Variants in SOX13 observed in about 807,000 individuals in gnomAD.
The protein encoded by SOX13 is SRY-box transcription factor 13.
SOX13 carries 28 observed loss-of-function variants against 71.8 expected under a neutral mutation model. The observed-to-expected ratio is 0.39, with a 90% confidence interval of 0.29 to 0.53. SOX13 has a LOEUF of 0.53. Ranked by LOEUF, SOX13 falls within the 20% of genes least tolerant of loss-of-function variation. SOX13 has a pLI of 0.70. For missense variants in SOX13, 627 were observed against 810.3 expected (o/e 0.77, Z 2.75); for synonymous variants, 309 against 317.8 (o/e 0.97, Z 0.29).
At chr1:204,110,347 G>A (rs1656555739) in intron 1 of SOX13, among the ~76,000 whole-genome samples, 3 of 142,572 alleles carry the variant, frequency 2.1e-5, no homozygotes, top group African/African-American at 7.7e-5. Flanking sequence ...CATGCTAATG[G>A]GCAACATAGC....
chr1:204,112,894 C>T, intron 1 of SOX13, 21 bp from the exon 2 acceptor site: 2 of 1,602,382 alleles, frequency 1.2e-6, no homozygotes, highest in Non-Finnish European at 1.7e-6. Context: ...CTCACCTCAG[C>T]TCACTCTGTC....
At chr1:204,089,337 C>G (rs1028962728) in intron 1 of SOX13, among the ~76,000 whole-genome samples, 13 of 152,190 alleles carry the variant, frequency 8.5e-5, no homozygotes, top group African/African-American at 3.1e-4. Flanking sequence ...GACAGCATGG[C>G]ATTCCCATGC....
chr1:204,077,924 G>A (rs892957134), intron 1 of SOX13, among the ~76,000 whole-genome samples: 1 of 152,162 alleles, frequency 6.6e-6, no homozygotes, highest in Non-Finnish European at 1.5e-5. Context: ...CAATTCTCCT[G>A]CCTCAGCCTC....
intron 13 of SOX13, among the ~76,000 whole-genome samples, chr1:204,125,199 A>T (rs1424702891): frequency 6.6e-6 from 1 of 152,216 alleles, no homozygotes; most frequent in Non-Finnish European, 1.5e-5. Context: ...TCACACAGAA[A>T]GGTTCCTGAC....
In SOX13 at chr1:204,126,764, GTC is replaced by G. The variant is rs1656931471; in HGVS notation, c.*635_*636del. On this transcript the variant is annotated 3_prime_UTR_variant, in exon 14 of 14. Coordinates refer to ENST00000367204, the MANE Select transcript of SOX13 (RefSeq NM_005686.3). ...ACTGTTGCTGAGTTCCTGTGGGTGT[GTC>G]TCTCGATGCCACTCCTGCTTCTCTG... 1.3e-5 allele frequency: 2 copies of G among 153,196 alleles called. No individual in the cohort carries two copies. Among genetic ancestry groups the G allele is most frequent in the South Asian group, 2.1e-4 (1 of 4,844 alleles). 9.5% of individuals were successfully genotyped at this position (153,196 alleles called of 1,614,324 possible). A position where few individuals can be genotyped will look rare whatever the true frequency, so the allele number is the denominator to read the frequency against.
At chr1:204,100,210 C>G (rs534179030) in intron 1 of SOX13, among the ~76,000 whole-genome samples, 1 of 152,350 alleles carries the variant, frequency 6.6e-6, no homozygotes, top group Non-Finnish European at 1.5e-5. Context: ...TTGTTTGTGG[C>G]TGGCAACTGC....
chr1:204,105,139 C>CTA (rs2102245303), intron 1 of SOX13, among the ~76,000 whole-genome samples: 1 of 152,248 alleles, frequency 6.6e-6, no homozygotes, highest in Non-Finnish European at 1.5e-5. Context: ...GGGTGCCTCT[C>CTA]TATACCTTGT....
At chr1:204,083,911 T>C (rs1054467250) in intron 1 of SOX13, among the ~76,000 whole-genome samples, 2 of 152,042 alleles carry the variant, frequency 1.3e-5, no homozygotes, top group Non-Finnish European at 2.9e-5. Context: ...CCACGAAAAG[T>C]TCCCTGAAAG....
chr1:204,078,454 G>A (rs1236731594), intron 1 of SOX13, among the ~76,000 whole-genome samples: 1 of 152,230 alleles, frequency 6.6e-6, no homozygotes, highest in African/African-American at 2.4e-5. Context: ...GTGAAGCTGA[G>A]TGTTTGAAAA....
intron 1 of SOX13, among the ~76,000 whole-genome samples, chr1:204,075,597 T>G (rs1321529800): frequency 6.6e-6 from 1 of 152,146 alleles, no homozygotes; most frequent in Non-Finnish European, 1.5e-5. Context: ...AGGCATGATC[T>G]CCAGGAGGGT....
chr1:204,094,905 A>C (rs1306193053), intron 1 of SOX13, among the ~76,000 whole-genome samples: 1 of 152,160 alleles, frequency 6.6e-6, no homozygotes, highest in Non-Finnish European at 1.5e-5. Context: ...TGGGTGGCCC[A>C]CAGAAGCCAG....
intron 1 of SOX13, among the ~76,000 whole-genome samples, chr1:204,107,073 C>T (rs760157810): frequency 5.9e-5 from 9 of 152,146 alleles, no homozygotes; most frequent in Non-Finnish European, 1.2e-4. Flanking sequence ...CTGTCTGACC[C>T]TAGAGGCTTT....
intron 1 of SOX13, among the ~76,000 whole-genome samples, chr1:204,104,333 A>G (rs528334102): frequency 3.0e-4 from 45 of 152,280 alleles, no homozygotes; most frequent in Admixed American, 1.5e-3. Flanking sequence ...CAGAGGCTGG[A>G]AAGGGTGAGA....
At chr1:204,099,250 C>T (rs1656312481) in intron 1 of SOX13, among the ~76,000 whole-genome samples, 1 of 152,156 alleles carries the variant, frequency 6.6e-6, no homozygotes, top group African/African-American at 2.4e-5. Context: ...CCTTAGGCCT[C>T]TGTGTCCTCA....
At chr1:204,120,211 G>T (rs1311598491) in intron 7 of SOX13, among the ~76,000 whole-genome samples, 1 of 152,208 alleles carries the variant, frequency 6.6e-6, no homozygotes, top group Admixed American at 6.5e-5. Flanking sequence ...GAAGTTTCCA[G>T]TTAGCTGGGG....
At position 204,126,072 on chromosome 1, in the gene SOX13, G is replaced by A. The variant is rs377584344; in HGVS notation, c.1807G>A (p.Glu603Lys). Reference sequence around the variant, plus strand: ...TGATGGCGAGATGTACCGGTACAGCGAGGACGAGGACTCGGAGGGCGAAGA... The same window carrying A: ...TGATGGCGAGATGTACCGGTACAGCAAGGACGAGGACTCGGAGGGCGAAGA... ...VADGEMYRYS[E>K]DEDSEGEEKS... Residue 603 changes from glutamate to lysine, a missense_variant, in exon 14 of 14, where the codon GAG becomes AAG. Coordinates refer to ENST00000367204, the MANE Select transcript of SOX13 (RefSeq NM_005686.3). The A allele has an allele frequency of 1.2e-6, 2 of 1,614,018 alleles. No individual in the cohort carries two copies. The highest frequency in any genetic ancestry group is 1.7e-6 in the Non-Finnish European group (2 of 1,179,894).
At chr1:204,106,112 A>G (rs1656465244) in intron 1 of SOX13, among the ~76,000 whole-genome samples, 1 of 152,216 alleles carries the variant, frequency 6.6e-6, no homozygotes, top group Admixed American at 6.5e-5. Context: ...GTCTAAAGGG[A>G]GACTTAAGGG....
rs192647071 is a variant in SOX13 at position 204,075,422 on chromosome 1, C to A, written c.-2+1711C>A. Among the ~76,000 whole-genome samples, 513 of 152,376 alleles carry A rather than the reference C, an allele frequency of 3.4e-3. 6 individuals carry two copies. The highest frequency in any genetic ancestry group is 0.012 in the African/African-American group (490 of 41,596). ...GCTGACCCCTGTTTCCACTGTGCTT[C>A]ATTAGAAAGCGCTTCACAAGATGCT... On this transcript the variant is annotated intron_variant, in intron 1 of 13. Transcript: ENST00000367204.
rs1655720685 is a variant in SOX13 at position 204,073,705 on chromosome 1, C to CT, written c.-7dup. 1 of 152,398 alleles carries CT rather than the reference C, an allele frequency of 6.6e-6. No homozygotes were observed. Among genetic ancestry groups the CT allele is most frequent in the African/African-American group, 2.4e-5 (1 of 41,462 alleles). 9.4% of individuals were successfully genotyped at this position (152,398 alleles called of 1,614,324 possible). ...CCCGAGCCCCGAGCCCGGCGCCTGG[C>CT]TGAGTAGTAAGTGCACCCCTCCCCG... On this transcript the variant is annotated 5_prime_UTR_variant, in exon 1 of 14. Transcript: ENST00000367204. The surrounding 1 kb of genome is among the most constrained non-coding windows in gnomAD (Gnocchi z 6.8).
Sources: gnomAD v4.1 joint callset for allele counts (sites outside exome capture counted in the v4.1 genomes callset) on GRCh38, gnomAD v4.1.1 for gene constraint, Gnocchi (gnomAD v3.1) non-coding constraint, MANE v1.5 for transcripts, NCBI Gene and HGNC (gene_info 2026-07-23, HGNC 2026-07-21) for gene names.